Variants in PPARGC1A observed in about 807,000 individuals in gnomAD.
PPARGC1A encodes peroxisome proliferator-activated receptor gamma coactivator 1-alpha.
Under a neutral mutation model 88.7 loss-of-function variants are expected in PPARGC1A, and 25 were observed. The observed-to-expected ratio is 0.28, with a 90% CI of 0.21 to 0.39. The LOEUF is 0.39. Among genes scored for constraint, PPARGC1A ranks in the 10% least tolerant of loss-of-function variants. The pLI, the probability that PPARGC1A is intolerant of heterozygous loss-of-function variation, is 1.00. For missense variants in PPARGC1A, 880 were observed against 968.7 expected (o/e 0.91, Z 1.22); for synonymous variants, 363 against 355.6 (o/e 1.02, Z -0.24).
chr4:24,310,211 A>G, the PPARGC1A span, among the ~76,000 whole-genome samples: 3 of 152,194 alleles, frequency 2.0e-5, no homozygotes, highest in Admixed American at 6.5e-5. Context: ...TGTGGCATGT[A>G]ACATCATAAA....
the PPARGC1A span, among the ~76,000 whole-genome samples, chr4:24,175,561 T>A: frequency 1.5e-5 from 2 of 132,272 alleles, no homozygotes; most frequent in East Asian, 4.6e-4. Flanking sequence ...TTTTTTTTTG[T>A]ATTTTTAGTA....
At chr4:24,452,461 T>G in the PPARGC1A span, among the ~76,000 whole-genome samples, 10 of 152,166 alleles carry the variant, frequency 6.6e-5, no homozygotes, top group Non-Finnish European at 1.2e-4. Flanking sequence ...CCTTCCATCA[T>G]TGTGCACTAG....
the PPARGC1A span, among the ~76,000 whole-genome samples, chr4:24,331,787 T>TA: frequency 3.5e-5 from 4 of 113,730 alleles, no homozygotes; most frequent in African/African-American, 9.3e-5. Flanking sequence ...ATATATATAT[T>TA]TTAAGTTCTG....
the PPARGC1A span, among the ~76,000 whole-genome samples, chr4:24,140,577 AAGGAATGCC>A: frequency 1.3e-5 from 2 of 152,196 alleles, no homozygotes; most frequent in East Asian, 3.9e-4. Context: ...AAATTCCTAA[AAGGAATGCC>A]AGGACTTGTG....
At chr4:23,846,318 G>T (rs1728316463) in intron 2 of PPARGC1A, among the ~76,000 whole-genome samples, 1 of 152,074 alleles carries the variant, frequency 6.6e-6, no homozygotes, top group East Asian at 1.9e-4. Flanking sequence ...ACATCCAAAG[G>T]GTTAAACAAA....
chr4:24,375,928 A>G, the PPARGC1A span, among the ~76,000 whole-genome samples: 1 of 152,098 alleles, frequency 6.6e-6, no homozygotes. Context: ...ACAGGCCCAC[A>G]GTGACTTGCC....
the PPARGC1A span, among the ~76,000 whole-genome samples, chr4:24,440,527 C>T: frequency 5.3e-5 from 8 of 152,124 alleles, no homozygotes; most frequent in African/African-American, 1.4e-4. Flanking sequence ...CTTGGCCGGC[C>T]GCAGTGGCTC....
At chr4:24,320,548 A>C in the PPARGC1A span, among the ~76,000 whole-genome samples, 1 of 152,216 alleles carries the variant, frequency 6.6e-6, no homozygotes, top group South Asian at 2.1e-4. Flanking sequence ...CATTTCCTAA[A>C]TATGTTTAAG....
At chr4:23,988,391 C>T in the PPARGC1A span, among the ~76,000 whole-genome samples, 5 of 152,034 alleles carry the variant, frequency 3.3e-5, no homozygotes, top group African/African-American at 7.2e-5. Context: ...GAACTAATTA[C>T]ACTCCCATCA....
the PPARGC1A span, among the ~76,000 whole-genome samples, chr4:24,416,412 G>A: frequency 2.0e-5 from 3 of 152,186 alleles, no homozygotes; most frequent in African/African-American, 7.2e-5. Flanking sequence ...ACGGGACCAT[G>A]TGAGAGGCTA....
the PPARGC1A span, among the ~76,000 whole-genome samples, chr4:24,351,393 CAAA>C: frequency 8.0e-5 from 7 of 87,162 alleles, no homozygotes; most frequent in African/African-American, 8.7e-5. Context: ...GATCCTGTCT[CAAA>C]AAAAAAAAAA....
At chr4:24,408,273 C>A in the PPARGC1A span, among the ~76,000 whole-genome samples, 1 of 150,412 alleles carries the variant, frequency 6.6e-6, no homozygotes, top group African/African-American at 2.4e-5. Flanking sequence ...AAAAAAAAGA[C>A]AGGAAATATC....
the PPARGC1A span, among the ~76,000 whole-genome samples, chr4:24,272,094 C>T: frequency 6.6e-6 from 1 of 152,080 alleles, no homozygotes; most frequent in African/African-American, 2.4e-5. Context: ...TTACTCCTTC[C>T]ATGTTTTCTC....
chr4:24,149,169 A>G, the PPARGC1A span, among the ~76,000 whole-genome samples: 164 of 152,378 alleles, frequency 1.1e-3, 1 homozygote, highest in Middle Eastern at 6.8e-3. Flanking sequence ...AATAAAGAAT[A>G]AAATCAGTCT....
chr4:24,123,095 T>C, the PPARGC1A span, among the ~76,000 whole-genome samples: 2 of 152,136 alleles, frequency 1.3e-5, no homozygotes, highest in South Asian at 4.2e-4. Context: ...AGGTCCCCAC[T>C]TGTCAAGTAT....
chr4:24,434,380 T>C, the PPARGC1A span, among the ~76,000 whole-genome samples: 1 of 151,868 alleles, frequency 6.6e-6, no homozygotes, highest in Non-Finnish European at 1.5e-5. Context: ...GTCACAGCTA[T>C]ATCAGGGTGC....
the PPARGC1A span, among the ~76,000 whole-genome samples, chr4:24,398,023 A>G: frequency 6.6e-6 from 1 of 152,200 alleles, no homozygotes; most frequent in Non-Finnish European, 1.5e-5. Flanking sequence ...GACACTGCCA[A>G]TTCCTAGCCT....
chr4:24,342,314 T>C, the PPARGC1A span, among the ~76,000 whole-genome samples: 1 of 152,166 alleles, frequency 6.6e-6, no homozygotes, highest in Non-Finnish European at 1.5e-5. Flanking sequence ...CGTATATGTG[T>C]GGGTGAGTGT....
At chr4:24,311,139 A>G in the PPARGC1A span, among the ~76,000 whole-genome samples, 4 of 111,984 alleles carry the variant, frequency 3.6e-5, no homozygotes, top group African/African-American at 1.1e-4. Context: ...TTGCTCTGTC[A>G]CCCAGGCTAG....
Sources: gnomAD v4.1 joint callset for allele counts (sites outside exome capture counted in the v4.1 genomes callset) on GRCh38, gnomAD v4.1.1 for gene constraint, MANE v1.5 for transcripts, NCBI Gene and HGNC (gene_info 2026-07-23, HGNC 2026-07-21) for gene names.